The following TRIM38 variants were observed in gnomAD, a reference collection of about 807,000 sequenced individuals.
The protein encoded by TRIM38 is E3 ubiquitin-protein ligase TRIM38.
TRIM38 carries 35 observed loss-of-function variants against 35.8 expected under a neutral mutation model. The ratio of observed to expected loss-of-function variants is 0.98; its 90% CI spans 0.75 to 1.30. TRIM38 has a LOEUF of 1.30. Ranked by LOEUF, TRIM38 falls within the 50% of genes most tolerant of loss-of-function variation. The pLI is 0.00. For synonymous variants in TRIM38, 198 were observed against 204.7 expected (o/e 0.97, Z 0.28); for missense variants, 545 against 556.9 (o/e 0.98, Z 0.21).
chr6:25,969,983 T>C (rs980360360), intron 4 of TRIM38, among the ~76,000 whole-genome samples: 1 of 152,170 alleles, frequency 6.6e-6, no homozygotes, highest in African/African-American at 2.4e-5. Flanking sequence ...AGTGGTGCGA[T>C]CTCAGCTCAC....
rs776022005 is a variant in TRIM38, at chr6:25,983,729, A to G, written c.*42A>G. 2 of 1,498,126 alleles carry G rather than the reference A, an allele frequency of 1.3e-6. No individual in the cohort carries two copies. The highest frequency in any genetic ancestry group is 8.9e-7 in the Non-Finnish European group (1 of 1,123,620). 92.8% of individuals were successfully genotyped at this position (1,498,126 alleles called of 1,614,324 possible). ...TCCTTGGTTTAACCAGCACAGAGAA[A>G]ATAATATAAATCCCATAAGGGCAGA... is the stretch of plus-strand genomic sequence containing the variant. On this transcript the variant is annotated 3_prime_UTR_variant, in exon 8 of 8. Coordinates refer to ENST00000357085, the MANE Select transcript of TRIM38 (RefSeq NM_006355.5).
chr6:25,987,465 T>C lies in TRIM38; in HGVS notation c.*3778T>C, dbSNP rs546037094. The C allele has an allele frequency of 5.3e-5, 8 of 152,288 alleles. No homozygotes were observed. The highest frequency in any genetic ancestry group is 1.2e-4 in the Non-Finnish European group (8 of 68,026). 9.4% of individuals were successfully genotyped at this position (152,288 alleles called of 1,614,324 possible). A position where few individuals can be genotyped will look rare whatever the true frequency, so the allele number is the denominator to read the frequency against. On this transcript the variant is annotated 3_prime_UTR_variant, in exon 8 of 8. Transcript: ENST00000357085. ...TTCTTATAAGGGACCAGTCCCATCA[T>C]GCCCATCATGAAGACTCGATCTGCT...
intron 7 of TRIM38, among the ~76,000 whole-genome samples, chr6:25,979,888 T>A (rs9379815): frequency 0.41 from 62,044 of 151,892 alleles, 13,743 homozygotes; most frequent in East Asian, 0.75. Flanking sequence ...TATAAATAAC[T>A]TTTTATTATT....
Position 25,987,500 on chromosome 6 carries a change from A to G in TRIM38, c.*3813A>G, listed in dbSNP as rs1005643429. Reference sequence around the variant, plus strand: ...GAAGACTCGATCTGCTAGGATCTCAACTAAACCTAACTATCACCCAAAGAG... The same window carrying G: ...GAAGACTCGATCTGCTAGGATCTCAGCTAAACCTAACTATCACCCAAAGAG... On this transcript the variant is annotated 3_prime_UTR_variant, in exon 8 of 8. Transcript: ENST00000357085. 2.6e-5 allele frequency: 4 copies of G among 152,186 alleles called. No homozygotes were observed. Among genetic ancestry groups the G allele is most frequent in the Non-Finnish European group, 5.9e-5 (4 of 68,034 alleles). 9.4% of individuals were successfully genotyped at this position (152,186 alleles called of 1,614,324 possible).
In TRIM38 at chr6:25,966,363, T is replaced by C; in HGVS notation, c.-160T>C. The C allele has an allele frequency of 4.2e-6, 3 of 713,318 alleles. No individual in the cohort carries two copies. Among genetic ancestry groups the C allele is most frequent in the Non-Finnish European group, 6.5e-6 (3 of 459,296 alleles). 44.2% of individuals were successfully genotyped at this position (713,318 alleles called of 1,614,324 possible). ...CTCTTTTCTTCAATACAAAATGAGA[T>C]AATAGGGGTTGGAAGGAAAACCTTC... On this transcript the variant is annotated 5_prime_UTR_variant, in exon 3 of 8. It removes the in-frame stop codon of an upstream open reading frame in the 5' UTR. Coordinates refer to ENST00000357085, the MANE Select transcript of TRIM38 (RefSeq NM_006355.5).
chr6:25,976,970 A>G (rs1316999568), intron 7 of TRIM38, among the ~76,000 whole-genome samples: 1 of 152,190 alleles, frequency 6.6e-6, no homozygotes, highest in African/African-American at 2.4e-5. Context: ...TTGTATGTCC[A>G]TTAGCCCTTC....
chr6:25,966,274 A>C, intron 2 of TRIM38, 61 bp from the exon 3 acceptor site: 3 of 424,206 alleles, frequency 7.1e-6, no homozygotes, highest in Non-Finnish European at 4.2e-6. Context: ...GAAACTCTGC[A>C]CTTGGGTTGC....
intron 2 of TRIM38, among the ~76,000 whole-genome samples, chr6:25,965,091 G>C (rs1406517812): frequency 6.6e-6 from 1 of 152,192 alleles, no homozygotes; most frequent in Non-Finnish European, 1.5e-5. Context: ...AGGATTACAG[G>C]CGTGAGCCAC....
At chr6:25,966,990 G>T in intron 3 of TRIM38, 57 bp downstream of exon 3, 3 of 1,495,502 alleles carry the variant, frequency 2.0e-6, no homozygotes, top group Non-Finnish European at 2.7e-6. Flanking sequence ...TGCTCCCCAG[G>T]AGCTGAGATG....
In TRIM38 at chr6:25,983,858, C is replaced by T. The variant is rs1760640687; in HGVS notation, c.*171C>T. 1 of 602,830 alleles carries T rather than the reference C, an allele frequency of 1.7e-6. No individual in the cohort carries two copies. The highest frequency in any genetic ancestry group is 2.6e-5 in the South Asian group (1 of 38,808). The allele number at this position is 602,830 out of a possible 1,614,324, so 37.3% of individuals were successfully genotyped here. A position where few individuals can be genotyped will look rare whatever the true frequency, so the allele number is the denominator to read the frequency against. On this transcript the variant is annotated 3_prime_UTR_variant, in exon 8 of 8. Transcript: ENST00000357085. ...TATGTTGAATATATGGACTTAGCAACTAAAAATACCACAGATGGTTAACCT... is the reference window on the plus strand; with the variant it reads ...TATGTTGAATATATGGACTTAGCAATTAAAAATACCACAGATGGTTAACCT...
chr6:25,969,887 A>G (rs534990602), intron 4 of TRIM38, among the ~76,000 whole-genome samples: 88 of 152,274 alleles, frequency 5.8e-4, no homozygotes, highest in Middle Eastern at 3.4e-3. Context: ...ACTCTAGCTC[A>G]TGAAGCTGAT....
At chr6:25,978,998 A>G (rs1760475297) in intron 7 of TRIM38, among the ~76,000 whole-genome samples, 2 of 152,158 alleles carry the variant, frequency 1.3e-5, no homozygotes, top group Non-Finnish European at 1.5e-5. Context: ...GATGTAATGT[A>G]TTATATATGT....
chr6:25,966,101 C>G (rs1454230162), intron 2 of TRIM38, among the ~76,000 whole-genome samples: 1 of 152,100 alleles, frequency 6.6e-6, no homozygotes, highest in African/African-American at 2.4e-5. Flanking sequence ...TCATCTATTA[C>G]CTACATATTC....
intron 7 of TRIM38, among the ~76,000 whole-genome samples, chr6:25,976,330 C>G (rs563111656): frequency 1.3e-5 from 2 of 152,294 alleles, no homozygotes; most frequent in South Asian, 4.1e-4. Context: ...TGCAATGGCC[C>G]CATCATGGCT....
At position 25,984,293 on chromosome 6, in the gene TRIM38, T is replaced by C. The variant is rs193200781; in HGVS notation, c.*606T>C. On this transcript the variant is annotated 3_prime_UTR_variant, in exon 8 of 8. Transcript: ENST00000357085. ...AATGAAAAGGGAATTATGAGTAAAA[T>C]TGAACTTTGATGGGGGATTCAGTTC... 14 of 152,426 alleles carry C rather than the reference T, an allele frequency of 9.2e-5. No homozygotes were observed. Among genetic ancestry groups the C allele is most frequent in the East Asian group, 3.8e-4 (2 of 5,320 alleles). 9.4% of individuals were successfully genotyped at this position (152,426 alleles called of 1,614,324 possible). A position where few individuals can be genotyped will look rare whatever the true frequency, so the allele number is the denominator to read the frequency against.
chr6:25,982,982 C>A (rs904924253), intron 7 of TRIM38, among the ~76,000 whole-genome samples, 182 bp from the exon 8 acceptor site: 1 of 152,076 alleles, frequency 6.6e-6, no homozygotes, highest in Non-Finnish European at 1.5e-5. Flanking sequence ...GCAGTTACTC[C>A]GGAGGCTGAG....
rs1048418272 is a variant in TRIM38 at position 25,978,740 on chromosome 6, C to G, written c.875-4424C>G. Among the ~76,000 whole-genome samples the G allele has an allele frequency of 3.3e-5, 5 of 152,146 alleles. No homozygotes were observed. The South Asian group carries it at 1.0e-3, about 31-fold the overall frequency. On this transcript the variant is annotated intron_variant, in intron 7 of 7. Transcript: ENST00000357085. ...GGAGTGCACTGGCGCAATCTCGACT[C>G]ACTGCAATCTCCACCTCCCAGGCTC... is the stretch of plus-strand genomic sequence containing the variant.
Position 25,966,789 on chromosome 6 carries a change from A to G in TRIM38, c.267A>G (p.Gln89=). The change falls in exon 3 of 8, where the codon CAA becomes CAG. Residue 89 remains glutamine, a synonymous_variant. Transcript: ENST00000357085. ...TTGAAGCCCTCAAAGAGACGGATCA[A>G]GAAATGTCATGTGAGGAACACGGAG... The part of the protein sequence containing the change: ...SLIEALKETD[Q]EMSCEEHGEQ... The G allele has an allele frequency of 2.5e-6, 4 of 1,614,242 alleles. No individual in the cohort carries two copies. The highest frequency in any genetic ancestry group is 3.4e-6 in the Non-Finnish European group (4 of 1,180,040).
chr6:25,964,959 G>A (rs1162543763), intron 2 of TRIM38, among the ~76,000 whole-genome samples: 1 of 152,016 alleles, frequency 6.6e-6, no homozygotes, highest in African/African-American at 2.4e-5. Flanking sequence ...TTACAGGTGT[G>A]CACCACCACA....
Sources: allele counts gnomAD v4.1 joint callset (sites outside exome capture counted in the v4.1 genomes callset), GRCh38; gene constraint gnomAD v4.1.1; transcripts MANE v1.5; gene names NCBI Gene and HGNC (gene_info 2026-07-23, HGNC 2026-07-21).